Variants in CCDC57 observed in about 807,000 individuals in gnomAD.
CCDC57 encodes coiled-coil domain containing 57.
A neutral mutation model predicts 118.9 loss-of-function variants in CCDC57; 118 were observed. That is an observed-to-expected ratio of 0.99 (90% CI 0.86 to 1.16). CCDC57 has a LOEUF of 1.16. Ranked by LOEUF, CCDC57 falls within the 50% of genes most tolerant of loss-of-function variation. CCDC57 has a pLI of 0.00. For missense variants in CCDC57, 1,300 were observed against 1,320.7 expected, an observed-to-expected ratio of 0.98 and a Z score of 0.24; for synonymous variants, 527 against 532.9, an observed-to-expected ratio of 0.99 and a Z score of 0.15.
At chr17:82,103,386 C>G (rs2034603362) in intron 19 of CCDC57, among the ~76,000 whole-genome samples, 1 of 152,284 alleles carries the variant, frequency 6.6e-6, no homozygotes, top group East Asian at 1.9e-4. Context: ...AGGAATTCCT[C>G]CTCTTCACAC....
At chr17:82,190,329 C>T (rs1399214745) in intron 7 of CCDC57, among the ~76,000 whole-genome samples, 1 of 152,172 alleles carries the variant, frequency 6.6e-6, no homozygotes, top group Non-Finnish European at 1.5e-5. Flanking sequence ...AAAGGTCCAC[C>T]AGTGATGCTG....
intron 19 of CCDC57, among the ~76,000 whole-genome samples, chr17:82,110,500 G>T (rs574184490): frequency 1.2e-4 from 18 of 152,270 alleles, no homozygotes; most frequent in African/African-American, 4.1e-4. Flanking sequence ...TGGTTGGCTT[G>T]AGTCATGAGG....
chr17:82,158,602 G>A (rs1448115861), intron 14 of CCDC57, among the ~76,000 whole-genome samples: 1 of 150,674 alleles, frequency 6.6e-6, no homozygotes, highest in African/African-American at 2.4e-5. Context: ...GCAGGAGAAT[G>A]GCATGAACCC....
chr17:82,151,692 G>C (rs749570831), exon 16 of CCDC57: 1 of 1,550,318 alleles, frequency 6.5e-7, no homozygotes, highest in South Asian at 1.2e-5. Context: ...GATAAGGTCT[G>C]GGGGGCACGT....
At chr17:82,200,183 C>T (rs539590907) in intron 3 of CCDC57, among the ~76,000 whole-genome samples, 2 of 152,302 alleles carry the variant, frequency 1.3e-5, no homozygotes, top group East Asian at 3.9e-4. Context: ...TTGGCCCGTT[C>T]ACACCCATCT....
chr17:82,178,712 C>A, intron 10 of CCDC57, 107 bp from the exon 10 acceptor site: 2 of 1,473,164 alleles, frequency 1.4e-6, no homozygotes, highest in Middle Eastern at 1.9e-4. Context: ...GAGCACCAGG[C>A]TCCCCACTGT....
exon 20 of CCDC57, chr17:82,101,674 G>T: frequency 6.3e-7 from 1 of 1,594,204 alleles, no homozygotes; most frequent in Middle Eastern, 1.7e-4. Context: ...CGGGGTGGGG[G>T]GAGGAAGTCA....
At chr17:82,205,278 T>C (rs990912230) in intron 2 of CCDC57, among the ~76,000 whole-genome samples, 1 of 152,206 alleles carries the variant, frequency 6.6e-6, no homozygotes, top group Non-Finnish European at 1.5e-5. Context: ...GCCTCTTCTC[T>C]GAGGGACTGC....
At chr17:82,113,219 A>G (rs2035419688) in intron 19 of CCDC57, 2 of 601,612 alleles carry the variant, frequency 3.3e-6, no homozygotes, top group Non-Finnish European at 5.9e-6. Flanking sequence ...ATAATCAGTG[A>G]AGGCGGGGGG....
chr17:82,185,345 T>G (rs767737946), intron 8 of CCDC57, among the ~76,000 whole-genome samples: 3 of 152,102 alleles, frequency 2.0e-5, no homozygotes, highest in African/African-American at 7.2e-5. Context: ...AGGCTGGGCA[T>G]GGTGGCTCAT....
At chr17:82,211,011 A>G (rs75059922) in intron 1 of CCDC57, among the ~76,000 whole-genome samples, 3,383 of 15,202 alleles carry the variant, frequency 0.22, 75 homozygotes, top group East Asian at 0.45. Context: ...AAAAAAAAAG[A>G]AAAAAAAAAA....
Position 82,136,535 on chromosome 17 carries a change from G to A in CCDC57, c.2456-2341C>T, listed in dbSNP as rs1326823650. 9.7e-5 allele frequency among the ~76,000 whole-genome samples: 14 copies of A among 144,914 alleles called. No homozygotes were observed. In the East Asian group the frequency reaches 2.8e-3, roughly 29 times the overall value. On this transcript the variant is annotated intron_variant, in intron 16 of 19. Transcript: ENST00000665763. ...CTTAATGCACTGAACTGTATACTTT[G>A]TATACTTCATGAGCTTTCAACAGTA...
intron 19 of CCDC57, among the ~76,000 whole-genome samples, chr17:82,120,174 A>T (rs74001519): frequency 0.22 from 32,091 of 148,880 alleles, 3,581 homozygotes; most frequent in Non-Finnish European, 0.24. Context: ...TATTATTATT[A>T]TTTTTTTTTT....
chr17:82,164,803 C>T (rs1366964923), intron 13 of CCDC57, among the ~76,000 whole-genome samples: 4 of 152,150 alleles, frequency 2.6e-5, no homozygotes, highest in Admixed American at 6.6e-5. Context: ...AAGGAAAACT[C>T]CAGGCCCAGC....
At chr17:82,105,679 T>C (rs2034797090) in intron 19 of CCDC57, among the ~76,000 whole-genome samples, 1 of 151,866 alleles carries the variant, frequency 6.6e-6, no homozygotes, top group Non-Finnish European at 1.5e-5. Flanking sequence ...TGGGACTGAG[T>C]GTGACAACAG....
intron 16 of CCDC57, among the ~76,000 whole-genome samples, chr17:82,143,454 A>G (rs2040283504): frequency 6.7e-6 from 1 of 149,850 alleles, no homozygotes; most frequent in Admixed American, 6.8e-5. Context: ...ACCCCTGGAA[A>G]GGGGGAGGGG....
At chr17:82,107,493 C>T (rs1323704448) in intron 19 of CCDC57, 6 of 470,538 alleles carry the variant, frequency 1.3e-5, no homozygotes, top group Non-Finnish European at 2.2e-5. Context: ...GCATCAGGGG[C>T]CAAAGCGGAC....
At chr17:82,201,463 A>G in intron 3 of CCDC57, 75 bp downstream of exon 2, 1 of 1,447,112 alleles carries the variant, frequency 6.9e-7, no homozygotes, top group Non-Finnish European at 9.1e-7. Context: ...GTGCTCGGGC[A>G]GCACAGCGGA....
intron 16 of CCDC57, among the ~76,000 whole-genome samples, chr17:82,150,549 A>G (rs1598939275): frequency 9.2e-5 from 5 of 54,154 alleles, no homozygotes; most frequent in Non-Finnish European, 9.7e-5. Context: ...CCAGAACCTG[A>G]CCCACACCCA....
Sources: gnomAD v4.1 joint callset for allele counts (sites outside exome capture counted in the v4.1 genomes callset) on GRCh38, gnomAD v4.1.1 for gene constraint, MANE v1.5 for transcripts, NCBI Gene and HGNC (gene_info 2026-07-23, HGNC 2026-07-21) for gene names.